UGT1A10: variants seen among roughly 807,000 people sequenced by gnomAD.
The protein encoded by UGT1A10 is UDP-glucuronosyltransferase 1A10.
In UGT1A10, 49 loss-of-function variants were observed where a neutral mutation model predicts 45.8. That is an observed-to-expected ratio of 1.07 (90% CI 0.85 to 1.36). UGT1A10 has a LOEUF of 1.36. UGT1A10 is among the 40% of genes most tolerant of loss of function. The probability of loss-of-function intolerance (pLI) is 0.00; values close to 1 mark genes in which losing one functional copy is unlikely to be tolerated. For missense variants in UGT1A10, 745 were observed against 668.6 expected (o/e 1.11, Z -1.26); for synonymous variants, 284 against 249.7 (o/e 1.14, Z -1.29).
chr2:233,701,262 ATT>A (rs924256698), intron 1 of UGT1A10, among the ~76,000 whole-genome samples: 1 of 152,120 alleles, frequency 6.6e-6, no homozygotes, highest in African/African-American at 2.4e-5. Flanking sequence ...GTCAAATGGT[ATT>A]TCTAGTTCTA....
chr2:233,767,130 G>A lies in UGT1A10; in HGVS notation c.952G>A (p.Ala318Thr). The A allele has an allele frequency of 6.2e-7, 1 of 1,614,080 alleles. No individual in the cohort carries two copies. The highest frequency in any genetic ancestry group is 8.5e-7 in the Non-Finnish European group (1 of 1,180,012). The change falls in exon 2 of 5, where the codon GCA (alanine) becomes ACA (threonine). Residue 318 changes from alanine (A) to threonine (T), a missense_variant. Ala to Thr is a moderately conservative substitution (Grantham distance 58). Coordinates refer to ENST00000344644, the MANE Select transcript of UGT1A10 (RefSeq NM_019075.4). ...VSEIPEKKAM[A>T]IADALGKIPQ... ...AGAAATTCCAGAGAAGAAAGCTATGGCAATTGCTGATGCTTTGGGCAAAAT... is the reference window on the plus strand; with the variant it reads ...AGAAATTCCAGAGAAGAAAGCTATGACAATTGCTGATGCTTTGGGCAAAAT...
At chr2:233,656,060 G>A (rs1364104771) in intron 1 of UGT1A10, among the ~76,000 whole-genome samples, 106 of 152,190 alleles carry the variant, frequency 7.0e-4, no homozygotes, top group African/African-American at 2.5e-3. Context: ...AAAGGAGAAG[G>A]GATGGGGTAG....
chr2:233,719,001 C>T (rs199607987), intron 1 of UGT1A10: 45 of 1,614,084 alleles, frequency 2.8e-5, no homozygotes, highest in African/African-American at 4.0e-5. Context: ...GGCGGTGGTC[C>T]TCACCCCAGA....
rs144416943 is a variant in UGT1A10, at chr2:233,751,718, G to A, written c.856-15316G>A. 2.1e-3 allele frequency among the ~76,000 whole-genome samples: 324 copies of A among 152,254 alleles called. 2 individuals carry two copies. The highest frequency in any genetic ancestry group is 7.5e-3 in the African/African-American group (310 of 41,552). ...GGGGCTCTTCCTCCTTCACTCACAA[G>A]TGAACTCTTCCTCTCTGTTTCTCTC... On this transcript the variant is annotated intron_variant, in intron 1 of 4. Transcript: ENST00000344644.
intron 1 of UGT1A10, among the ~76,000 whole-genome samples, chr2:233,758,370 T>C (rs1198211865): frequency 6.6e-6 from 1 of 152,206 alleles, no homozygotes; most frequent in Non-Finnish European, 1.5e-5. Context: ...ATAAAATCAT[T>C]ACAGTGGTGA....
intron 1 of UGT1A10, among the ~76,000 whole-genome samples, chr2:233,757,354 A>G (rs1200250892): frequency 1.3e-5 from 2 of 150,876 alleles, no homozygotes; most frequent in Non-Finnish European, 2.9e-5. Flanking sequence ...GGTCTGAGAG[A>G]CAGTGGTAGA....
At chr2:233,699,723 C>T (rs894867512) in intron 1 of UGT1A10, among the ~76,000 whole-genome samples, 5 of 152,172 alleles carry the variant, frequency 3.3e-5, no homozygotes, top group East Asian at 1.9e-4. Flanking sequence ...GCATTTTTTA[C>T]GGAGCGTTTT....
intron 1 of UGT1A10, among the ~76,000 whole-genome samples, chr2:233,677,628 TATC>T (rs1290411442): frequency 6.6e-6 from 1 of 152,064 alleles, no homozygotes; most frequent in Admixed American, 6.6e-5. Context: ...CACAATAAGA[TATC>T]ATCTCACACC....
intron 1 of UGT1A10, chr2:233,648,820 C>A (rs1441668936): frequency 2.9e-6 from 3 of 1,023,094 alleles, no homozygotes; most frequent in Non-Finnish European, 4.4e-6. Context: ...CTTAGAGGAG[C>A]ATTTATTTTG....
chr2:233,674,849 G>C (rs2074298755), intron 1 of UGT1A10, among the ~76,000 whole-genome samples: 1 of 152,156 alleles, frequency 6.6e-6, no homozygotes, highest in South Asian at 2.1e-4. Flanking sequence ...CCCAACCACA[G>C]AAGTAAATTG....
At chr2:233,639,914 A>G (rs1559320243) in intron 1 of UGT1A10, among the ~76,000 whole-genome samples, 2 of 152,208 alleles carry the variant, frequency 1.3e-5, no homozygotes, top group South Asian at 2.1e-4. Flanking sequence ...TTAATGAGAA[A>G]AAGAGGAAGT....
At chr2:233,720,428 A>G (rs1040145834) in intron 1 of UGT1A10, among the ~76,000 whole-genome samples, 1 of 152,036 alleles carries the variant, frequency 6.6e-6, no homozygotes, top group African/African-American at 2.4e-5. Flanking sequence ...AGGAGATAAG[A>G]CCGTGAATCT....
chr2:233,659,758 A>G (rs1055957664), intron 1 of UGT1A10, among the ~76,000 whole-genome samples: 12 of 152,162 alleles, frequency 7.9e-5, no homozygotes, highest in Admixed American at 6.5e-4. Context: ...CTTCTTCACC[A>G]TTTGCTTTAG....
intron 1 of UGT1A10, chr2:233,761,093 T>G: frequency 6.2e-7 from 1 of 1,614,222 alleles, no homozygotes; most frequent in Non-Finnish European, 8.5e-7. Flanking sequence ...AGGCCCATCA[T>G]GCCCAATATG....
chr2:233,647,890 C>T (rs2125472290), intron 1 of UGT1A10: 2 of 1,520,564 alleles, frequency 1.3e-6, no homozygotes, highest in Non-Finnish European at 1.8e-6. Context: ...TTGATTTCTA[C>T]ACTGAAGTTA....
At chr2:233,751,021 C>A (rs74787288) in intron 1 of UGT1A10, among the ~76,000 whole-genome samples, 1 of 151,772 alleles carries the variant, frequency 6.6e-6, no homozygotes, top group East Asian at 1.9e-4. Flanking sequence ...AATAGTAGAT[C>A]CAATAGCTTG....
chr2:233,712,122 A>C (rs776169880), intron 1 of UGT1A10, among the ~76,000 whole-genome samples: 9 of 152,356 alleles, frequency 5.9e-5, no homozygotes, highest in Non-Finnish European at 1.0e-4. Flanking sequence ...GACTTGCAGA[A>C]GACTGGAGCC....
chr2:233,656,814 G>C (rs1481619314), intron 1 of UGT1A10, among the ~76,000 whole-genome samples: 1 of 152,116 alleles, frequency 6.6e-6, no homozygotes, highest in Non-Finnish European at 1.5e-5. Context: ...TGTGGGAGAC[G>C]GGCGGCACTT....
chr2:233,771,639 T>G (rs1180975336), intron 4 of UGT1A10: 1 of 152,344 alleles, frequency 6.6e-6, no homozygotes, highest in African/African-American at 2.4e-5. Flanking sequence ...TTTATTTTAC[T>G]GTATGAAAAT....
Sources: allele counts gnomAD v4.1 joint callset (sites outside exome capture counted in the v4.1 genomes callset), GRCh38; gene constraint gnomAD v4.1.1; transcripts MANE v1.5; gene names NCBI Gene and HGNC (gene_info 2026-07-23, HGNC 2026-07-21).